Variants in ADCY8 observed in about 807,000 individuals in gnomAD.
ADCY8 encodes the protein adenylate cyclase 8, also known as adenylate cyclase type 8.
ADCY8 carries 51 observed loss-of-function variants against 119.7 expected under a neutral mutation model. That is an observed-to-expected ratio of 0.43 (90% CI 0.34 to 0.54). The LOEUF is 0.54. Among genes scored for constraint, ADCY8 ranks in the 20% least tolerant of loss-of-function variants. The pLI, the probability that ADCY8 is intolerant of heterozygous loss-of-function variation, is 0.03. For missense variants in ADCY8, 1,383 were observed against 1,598.8 expected (o/e 0.87, Z 2.30); for synonymous variants, 665 against 651.0 (o/e 1.02, Z -0.33).
intron 8 of ADCY8, among the ~76,000 whole-genome samples, chr8:130,882,856 C>T (rs1027999499): frequency 2.0e-5 from 3 of 151,968 alleles, no homozygotes; most frequent in Non-Finnish European, 4.4e-5. Context: ...AAGAGTATCT[C>T]GGTAAGAGTC....
intron 1 of ADCY8, among the ~76,000 whole-genome samples, chr8:131,009,135 T>G (rs1191253003): frequency 6.6e-6 from 1 of 152,208 alleles, no homozygotes; most frequent in South Asian, 2.1e-4. Context: ...AGGAGCTGAA[T>G]GTCAATCACC....
chr8:130,947,551 GT>G (rs1230869451), intron 3 of ADCY8, among the ~76,000 whole-genome samples: 2 of 152,180 alleles, frequency 1.3e-5, no homozygotes, highest in African/African-American at 4.8e-5. Context: ...CATTTTGCTT[GT>G]TCGTGAAACT....
intron 9 of ADCY8, among the ~76,000 whole-genome samples, chr8:130,853,119 T>A (rs1817591547): frequency 6.6e-6 from 1 of 152,206 alleles, no homozygotes; most frequent in East Asian, 1.9e-4. Context: ...CTCATTTTCC[T>A]TGGAGGGCAG....
At chr8:130,909,524 G>A (rs4129258) in intron 6 of ADCY8, among the ~76,000 whole-genome samples, 184 bp downstream of exon 6, 8,644 of 152,156 alleles carry the variant, frequency 0.057, 789 homozygotes, top group African/African-American at 0.19. Flanking sequence ...CCACATCCTT[G>A]TTGCCTCTGA....
At position 130,904,047 on chromosome 8, in the gene ADCY8, G is replaced by A. The variant is rs191240107; in HGVS notation, c.1641-5C>T. 7 of 1,609,924 alleles carry A rather than the reference G, an allele frequency of 4.3e-6. No individual in the cohort carries two copies. The African/African-American group carries it at 8.0e-5, about 18-fold the overall frequency. Reference sequence around the variant, plus strand: ...GCTTTGGAAATGTGAATCCTCCTGTGTGTAGAAGGCATAGGTCATTACACA... The same window carrying A: ...GCTTTGGAAATGTGAATCCTCCTGTATGTAGAAGGCATAGGTCATTACACA... On this transcript the variant is annotated splice_region_variant and splice_polypyrimidine_tract_variant and intron_variant, in intron 6 of 17. Transcript: ENST00000286355.
intron 1 of ADCY8, among the ~76,000 whole-genome samples, chr8:131,010,731 C>T (rs139723934): frequency 2.5e-3 from 375 of 152,312 alleles, no homozygotes; most frequent in African/African-American, 8.7e-3. Context: ...GTGCTCACTC[C>T]ACTGGACTCA....
At chr8:130,991,226 A>G (rs1822569125) in intron 1 of ADCY8, among the ~76,000 whole-genome samples, 1 of 152,212 alleles carries the variant, frequency 6.6e-6, no homozygotes, top group Non-Finnish European at 1.5e-5. Context: ...CACATGGAAT[A>G]ATTTCATACA....
chr8:130,898,676 C>T (rs1010166932), intron 7 of ADCY8, among the ~76,000 whole-genome samples: 21 of 152,296 alleles, frequency 1.4e-4, no homozygotes, highest in African/African-American at 5.1e-4. Context: ...AAATTCCAGG[C>T]TCTGAAAAGG....
chr8:130,875,194 A>G (rs1188349153), intron 8 of ADCY8, among the ~76,000 whole-genome samples: 1 of 152,216 alleles, frequency 6.6e-6, no homozygotes, highest in Non-Finnish European at 1.5e-5. Context: ...TATCAAGACA[A>G]TAAAGGAGTC....
rs569604270 is a variant in ADCY8, at chr8:130,960,415, A to C, written c.1111-8417T>G. Among the ~76,000 whole-genome samples, 7 of 149,690 alleles carry C rather than the reference A, an allele frequency of 4.7e-5. No individual in the cohort carries two copies. In the South Asian group the frequency reaches 1.5e-3, roughly 33 times the overall value. ...AAAAACAGCACTGGCAGGCATCACT[A>C]ATTGAATGGAATTAACAAAGGAAAT... is the stretch of plus-strand genomic sequence containing the variant. On this transcript the variant is annotated intron_variant, in intron 2 of 17. Transcript: ENST00000286355.
Position 130,903,787 on chromosome 8 carries a change from G to A in ADCY8, c.1896C>T (p.Ile632=), listed in dbSNP as rs750606350. ...SWSPELPFDN[I]VGKQNTLAAL... ...GAGGACTTACATTCTGTTTCCCCAC[G>A]ATATTATCAAAGGGCAGTTCAGGGC... The change falls in exon 7 of 18, where the codon ATC becomes ATT. Residue 632 remains isoleucine, a synonymous_variant. Coordinates refer to ENST00000286355, the MANE Select transcript of ADCY8 (RefSeq NM_001115.3). 3.0e-5 allele frequency: 49 copies of A among 1,612,476 alleles called. No homozygotes were observed. The highest frequency in any genetic ancestry group is 2.0e-4 in the Middle Eastern group (1 of 4,934).
At chr8:130,988,167 T>A (rs533215224) in intron 2 of ADCY8, among the ~76,000 whole-genome samples, 1 of 152,344 alleles carries the variant, frequency 6.6e-6, no homozygotes, top group East Asian at 1.9e-4. Context: ...ATGTTTTTTC[T>A]GCCAGACTAC....
chr8:130,846,799 C>CCT (rs1817325442), intron 11 of ADCY8, among the ~76,000 whole-genome samples: 1 of 92,024 alleles, frequency 1.1e-5, no homozygotes, highest in African/African-American at 3.6e-5. Context: ...CTTCTCCTTC[C>CCT]TTCCTTCCCT....
At chr8:130,979,776 C>T (rs1169906555) in intron 2 of ADCY8, among the ~76,000 whole-genome samples, 3 of 152,134 alleles carry the variant, frequency 2.0e-5, no homozygotes, top group Non-Finnish European at 4.4e-5. Flanking sequence ...ATGTGAAGTA[C>T]AGAACCTCAC....
intron 1 of ADCY8, among the ~76,000 whole-genome samples, chr8:130,995,052 A>G (rs1467528748): frequency 6.6e-6 from 1 of 152,200 alleles, no homozygotes; most frequent in Non-Finnish European, 1.5e-5. Flanking sequence ...TGTGGGGAAA[A>G]TAGTCACTCT....
chr8:130,993,458 G>T (rs28452669), intron 1 of ADCY8, among the ~76,000 whole-genome samples: 69,506 of 151,990 alleles, frequency 0.46, 16,296 homozygotes, highest in East Asian at 0.79. Flanking sequence ...ATTAACAACC[G>T]TGAAATGAAA....
chr8:130,867,493 C>T (rs941039941), intron 9 of ADCY8, among the ~76,000 whole-genome samples: 22 of 152,280 alleles, frequency 1.4e-4, no homozygotes, highest in African/African-American at 2.9e-4. Flanking sequence ...CAAGGAGCTA[C>T]GATGCTGTAT....
intron 12 of ADCY8, 117 bp downstream of exon 12, chr8:130,836,160 A>T: frequency 8.9e-7 from 1 of 1,120,202 alleles, no homozygotes; most frequent in Non-Finnish European, 1.3e-6. Context: ...TTTGAGATAT[A>T]AGTCAATATC....
At position 130,903,794 on chromosome 8, in the gene ADCY8, T is replaced by G. The variant is rs1819686620; in HGVS notation, c.1889A>C (p.Asp630Ala). The part of the protein sequence containing the change: ...EGSWSPELPF[D>A]NIVGKQNTLA... ...TACATTCTGTTTCCCCACGATATTATCAAAGGGCAGTTCAGGGCTCCAGGA... is the reference window on the plus strand; with the variant it reads ...TACATTCTGTTTCCCCACGATATTAGCAAAGGGCAGTTCAGGGCTCCAGGA... The change falls in exon 7 of 18, where the codon GAT (aspartate) becomes GCT (alanine). Residue 630 changes from aspartate (D) to alanine (A), a missense_variant. Asp to Ala is a moderately radical substitution (Grantham distance 126). Around this residue, in one of 2 missense-constraint regions of ADCY8, gnomAD observed 928 missense variants for 1,163.5 expected, o/e 0.80. Coordinates refer to ENST00000286355, the MANE Select transcript of ADCY8 (RefSeq NM_001115.3). 1.2e-6 allele frequency: 2 copies of G among 1,612,810 alleles called. No individual in the cohort carries two copies. Among genetic ancestry groups the G allele is most frequent in the Non-Finnish European group, 1.7e-6 (2 of 1,179,950 alleles).
Sources: gnomAD v4.1 joint callset for allele counts (sites outside exome capture counted in the v4.1 genomes callset) on GRCh38, gnomAD v4.1.1 for gene constraint, gnomAD v4.1.1 regional missense constraint, MANE v1.5 for transcripts, NCBI Gene and HGNC (gene_info 2026-07-23, HGNC 2026-07-21) for gene names.